Variants in CTBP2 observed in about 807,000 individuals in gnomAD.
CTBP2 encodes C-terminal binding protein 2.
Under a neutral mutation model 80.3 loss-of-function variants are expected in CTBP2, and 30 were observed. The observed-to-expected ratio is 0.37, with a 90% CI of 0.28 to 0.51. The LOEUF (loss-of-function observed/expected upper bound fraction) is 0.51. Among genes scored for constraint, CTBP2 ranks in the 20% least tolerant of loss-of-function variants. CTBP2 has a pLI of 0.93. For synonymous variants in CTBP2, 594 were observed against 587.4 expected, an observed-to-expected ratio of 1.01 and a Z score of -0.16; for missense variants, 1,212 against 1,375.3, an observed-to-expected ratio of 0.88 and a Z score of 1.88.
chr10:125,049,019 T>C (rs1235444782), intron 2 of CTBP2, among the ~76,000 whole-genome samples: 1 of 145,412 alleles, frequency 6.9e-6, no homozygotes, highest in African/African-American at 2.6e-5. Flanking sequence ...ATGTGCTCTC[T>C]GGCCTCAATT....
chr10:125,131,530 T>C (rs1446562058), intron 1 of CTBP2, among the ~76,000 whole-genome samples: 1 of 152,140 alleles, frequency 6.6e-6, no homozygotes, highest in African/African-American at 2.4e-5. Context: ...ACGGCGCTGC[T>C]TTCTATCTAA....
chr10:125,106,867 CCA>C (rs1851540064), intron 2 of CTBP2, among the ~76,000 whole-genome samples: 1 of 152,224 alleles, frequency 6.6e-6, no homozygotes, highest in African/African-American at 2.4e-5. Context: ...CAGCAGAAAG[CCA>C]GACTCACCAG....
chr10:125,142,937 G>A (rs1211331905), intron 1 of CTBP2, among the ~76,000 whole-genome samples: 1 of 152,142 alleles, frequency 6.6e-6, no homozygotes, highest in Non-Finnish European at 1.5e-5. Context: ...GGAGCTGAAA[G>A]GACACGCGAG....
At chr10:125,145,299 C>A (rs1053596759) in intron 1 of CTBP2, among the ~76,000 whole-genome samples, 1 of 152,106 alleles carries the variant, frequency 6.6e-6, no homozygotes, top group Non-Finnish European at 1.5e-5. Context: ...GCTTCTCCAT[C>A]GGGACGAAGG....
Position 125,016,313 on chromosome 10 carries a change from C to T in CTBP2, c.1678+9769G>A, listed in dbSNP as rs74163308. Among the ~76,000 whole-genome samples, 815 of 152,326 alleles carry T rather than the reference C, an allele frequency of 5.4e-3. 8 individuals carry two copies. The highest frequency in any genetic ancestry group is 0.018 in the African/African-American group (769 of 41,580). On this transcript the variant is annotated intron_variant, in intron 1 of 8. Transcript: ENST00000309035. Reference sequence around the variant, plus strand: ...CAGGGGCCACCACTGAGTCACTGCCCGAGGGGATGGCTGCCCATGAGTGCC... The same window carrying T: ...CAGGGGCCACCACTGAGTCACTGCCTGAGGGGATGGCTGCCCATGAGTGCC...
intron 1 of CTBP2, among the ~76,000 whole-genome samples, chr10:125,137,246 G>A (rs759046103): frequency 6.6e-6 from 1 of 152,222 alleles, no homozygotes; most frequent in Non-Finnish European, 1.5e-5. Context: ...GCTAGGACGT[G>A]GGCCTCAGGA....
chr10:125,051,402 G>A (rs575479825), intron 2 of CTBP2, among the ~76,000 whole-genome samples: 2 of 152,354 alleles, frequency 1.3e-5, no homozygotes, highest in Non-Finnish European at 2.9e-5. Flanking sequence ...CACTTTGGGA[G>A]GCCAAGGTGG....
chr10:125,058,884 ACT>A (rs1470301704), intron 2 of CTBP2, among the ~76,000 whole-genome samples: 2 of 151,830 alleles, frequency 1.3e-5, no homozygotes, highest in Non-Finnish European at 2.9e-5. Context: ...ACAGGGTGAG[ACT>A]CTGTCTCAAA....
intron 2 of CTBP2, among the ~76,000 whole-genome samples, chr10:125,098,309 G>C (rs1849871670): frequency 6.6e-6 from 1 of 152,090 alleles, no homozygotes; most frequent in Non-Finnish European, 1.5e-5. Flanking sequence ...ATGGAACTTA[G>C]GCAGACTACT....
At chr10:125,139,978 G>A (rs913595961) in intron 1 of CTBP2, among the ~76,000 whole-genome samples, 3 of 152,046 alleles carry the variant, frequency 2.0e-5, no homozygotes, top group Non-Finnish European at 4.4e-5. Context: ...TCAGCGTCTA[G>A]CACACCCCTT....
chr10:125,005,833 G>T, intron 1 of CTBP2: 1 of 1,597,262 alleles, frequency 6.3e-7, no homozygotes, highest in Non-Finnish European at 8.5e-7. Flanking sequence ...CCCACACACA[G>T]TGAGGAACAC....
intron 2 of CTBP2, among the ~76,000 whole-genome samples, chr10:125,045,203 T>C (rs1257738909): frequency 1.3e-5 from 2 of 151,860 alleles, no homozygotes; most frequent in African/African-American, 4.8e-5. Flanking sequence ...AGCCAGGAGG[T>C]CTACAGCCAG....
intron 1 of CTBP2, among the ~76,000 whole-genome samples, chr10:125,126,581 C>T (rs1006744191): frequency 6.6e-6 from 1 of 152,230 alleles, no homozygotes; most frequent in Non-Finnish European, 1.5e-5. Context: ...GGGCCAGGCC[C>T]GTCAATCAGG....
chr10:125,044,700 C>T (rs1156727630), intron 2 of CTBP2, among the ~76,000 whole-genome samples: 1 of 152,166 alleles, frequency 6.6e-6, no homozygotes, highest in East Asian at 1.9e-4. Context: ...CTGTGATGTG[C>T]CACGATCGCA....
At chr10:124,991,585 C>A (rs537957603) in intron 8 of CTBP2, among the ~76,000 whole-genome samples, 2 of 152,138 alleles carry the variant, frequency 1.3e-5, no homozygotes, top group Non-Finnish European at 2.9e-5. Context: ...GCACCCTGGT[C>A]GTCACTGTGG....
At chr10:125,039,352 T>C (rs1959178217) in intron 2 of CTBP2, among the ~76,000 whole-genome samples, 197 bp from the exon 3 acceptor site, 3 of 152,244 alleles carry the variant, frequency 2.0e-5, no homozygotes. Context: ...TATCTCATAA[T>C]AGAAAGCAAG....
At chr10:125,145,592 G>A (rs1466584587) in intron 1 of CTBP2, among the ~76,000 whole-genome samples, 1 of 152,158 alleles carries the variant, frequency 6.6e-6, no homozygotes, top group Non-Finnish European at 1.5e-5. Context: ...TCCCTGCTAG[G>A]AAGAAGAAGG....
At chr10:125,025,303 T>C (rs1385592813) in intron 1 of CTBP2, among the ~76,000 whole-genome samples, 1 of 152,234 alleles carries the variant, frequency 6.6e-6, no homozygotes, top group Non-Finnish European at 1.5e-5. Context: ...AATGGTGCTC[T>C]GAGGACGCCC....
chr10:125,055,065 G>T (rs546820984), intron 2 of CTBP2, among the ~76,000 whole-genome samples: 1 of 152,148 alleles, frequency 6.6e-6, no homozygotes. Flanking sequence ...ACATTAAAAA[G>T]ATCTATCAGA....
Sources: gnomAD v4.1 joint callset for allele counts (sites outside exome capture counted in the v4.1 genomes callset) on GRCh38, gnomAD v4.1.1 for gene constraint, MANE v1.5 for transcripts, NCBI Gene and HGNC (gene_info 2026-07-23, HGNC 2026-07-21) for gene names.